The following ZBTB5 variants were observed in gnomAD, a reference collection of about 807,000 sequenced individuals.
The protein encoded by ZBTB5 is zinc finger and BTB domain-containing protein 5.
Under a neutral mutation model 37.9 loss-of-function variants are expected in ZBTB5, and 15 were observed. That is an observed-to-expected ratio of 0.40 (90% CI 0.26 to 0.61). The LOEUF (loss-of-function observed/expected upper bound fraction) is 0.61, where lower values mean the gene tolerates loss of function less well. Ranked by LOEUF, ZBTB5 falls within the 20% of genes least tolerant of loss-of-function variation. The probability of loss-of-function intolerance (pLI) is 0.47; values close to 1 mark genes in which losing one functional copy is unlikely to be tolerated. For synonymous variants in ZBTB5, 315 were observed against 312.4 expected (o/e 1.01, Z -0.09); for missense variants, 708 against 856.8 (o/e 0.83, Z 2.17).
At position 37,439,241 on chromosome 9, in the gene ZBTB5, G is replaced by A. The variant is rs1364895483; in HGVS notation, c.*1277C>T. The A allele has an allele frequency of 6.6e-6, 1 of 152,222 alleles. No homozygotes were observed. Among genetic ancestry groups the A allele is most frequent in the African/African-American group, 2.4e-5 (1 of 41,448 alleles). 9.4% of individuals were successfully genotyped at this position (152,222 alleles called of 1,614,324 possible). A position where few individuals can be genotyped will look rare whatever the true frequency, so the allele number is the denominator to read the frequency against. On this transcript the variant is annotated 3_prime_UTR_variant, in exon 2 of 2. Transcript: ENST00000307750. Reference sequence around the variant, plus strand: ...TGTCAGAGGACAGCAAGGTGAGGCTGGGGAAGTGAGGCTGTAGGGCCCAGA... The same window carrying A: ...TGTCAGAGGACAGCAAGGTGAGGCTAGGGAAGTGAGGCTGTAGGGCCCAGA...
intron 1 of ZBTB5, among the ~76,000 whole-genome samples, chr9:37,444,442 C>T (rs535396949): frequency 9.5e-4 from 144 of 152,232 alleles, no homozygotes; most frequent in African/African-American, 3.3e-3. Flanking sequence ...TCAGGTGATC[C>T]GCCCACCCTG....
rs190896499 is a variant in ZBTB5 at position 37,448,017 on chromosome 9, T to A, written c.-4-5462A>T. Among the ~76,000 whole-genome samples the A allele has an allele frequency of 3.3e-5, 5 of 152,276 alleles. No individual in the cohort carries two copies. In the East Asian group the frequency reaches 9.6e-4, roughly 29 times the overall value. The stretch of plus-strand genomic sequence containing the variant: ...AAAATAAATAAATAAACAATTTTTT[T>A]AAATTGTGGTCCCAGAAACACCATT... On this transcript the variant is annotated intron_variant, in intron 1 of 1. Coordinates refer to ENST00000307750, the MANE Select transcript of ZBTB5 (RefSeq NM_014872.3).
intron 1 of ZBTB5, among the ~76,000 whole-genome samples, chr9:37,462,134 C>G (rs1824304898): frequency 6.6e-6 from 1 of 152,064 alleles, no homozygotes. Context: ...AGCTAAAATT[C>G]TATTAATTTT....
chr9:37,461,585 C>T (rs950025628), intron 1 of ZBTB5, among the ~76,000 whole-genome samples: 6 of 152,036 alleles, frequency 3.9e-5, no homozygotes, highest in African/African-American at 7.2e-5. Flanking sequence ...AAAAATTAGT[C>T]GGGCATGGTG....
chr9:37,442,618 G>C, intron 1 of ZBTB5, 63 bp from the exon 2 acceptor site: 1 of 1,353,878 alleles, frequency 7.4e-7, no homozygotes, highest in Middle Eastern at 1.9e-4. Flanking sequence ...AGAACACAAA[G>C]GGTATGATGA....
Position 37,441,027 on chromosome 9 carries a change from A to T in ZBTB5, c.1525T>A (p.Ser509Thr). 1 of 1,614,142 alleles carries T rather than the reference A, an allele frequency of 6.2e-7. No individual in the cohort carries two copies. The highest frequency in any genetic ancestry group is 8.5e-7 in the Non-Finnish European group (1 of 1,180,024). ...AAGGAGGAGTGGAGGCCCAAACCAG[A>T]CCTGGAAAAGTCCATCCCAAACTGT... ...GEQFGMDFSRSGLGLHSSFSR... is the reference protein window; with the variant it reads ...GEQFGMDFSRTGLGLHSSFSR... Residue 509 changes from serine to threonine, a missense_variant, in exon 2 of 2, where the codon TCT (serine) becomes ACT (threonine). Coordinates refer to ENST00000307750, the MANE Select transcript of ZBTB5 (RefSeq NM_014872.3).
At chr9:37,451,620 A>C (rs1824106004) in intron 1 of ZBTB5, among the ~76,000 whole-genome samples, 1 of 151,998 alleles carries the variant, frequency 6.6e-6, no homozygotes, top group Non-Finnish European at 1.5e-5. Context: ...ACTTTTGGTA[A>C]GATGATAAAT....
In ZBTB5 at chr9:37,438,354, C is replaced by G. The variant is rs1475283641; in HGVS notation, c.*2164G>C. 1 of 152,492 alleles carries G rather than the reference C, an allele frequency of 6.6e-6. No individual in the cohort carries two copies. The allele number at this position is 152,492 out of a possible 1,614,324, so 9.4% of individuals were successfully genotyped here. ...CCCTGGGACTGGTTTTCCAGGGAAC[C>G]CTGGAATTATTTTTTAAGTGCTACA... On this transcript the variant is annotated 3_prime_UTR_variant, in exon 2 of 2. Coordinates refer to ENST00000307750, the MANE Select transcript of ZBTB5 (RefSeq NM_014872.3).
intron 1 of ZBTB5, among the ~76,000 whole-genome samples, chr9:37,455,285 G>A (rs1588781831): frequency 6.6e-6 from 1 of 152,116 alleles, no homozygotes; most frequent in African/African-American, 2.4e-5. Context: ...TCGGCCACAG[G>A]ACAGCCGAAC....
chr9:37,439,752 C>T lies in ZBTB5; in HGVS notation c.*766G>A, dbSNP rs1823820686. The stretch of plus-strand genomic sequence containing the variant: ...ACATGGAACTGTAACATCTGTAATA[C>T]AAGTTGGTTAAAATACTGCTCAAAC... On this transcript the variant is annotated 3_prime_UTR_variant, in exon 2 of 2. Coordinates refer to ENST00000307750, the MANE Select transcript of ZBTB5 (RefSeq NM_014872.3). The T allele has an allele frequency of 6.6e-6, 1 of 151,316 alleles. No individual in the cohort carries two copies. The highest frequency in any genetic ancestry group is 2.4e-5 in the African/African-American group (1 of 41,274). The allele number at this position is 151,316 out of a possible 1,614,324, so 9.4% of individuals were successfully genotyped here.
chr9:37,445,572 G>A (rs34011267), intron 1 of ZBTB5, among the ~76,000 whole-genome samples: 20,976 of 151,610 alleles, frequency 0.14, 1,784 homozygotes, highest in Middle Eastern at 0.23. Flanking sequence ...ACTTGAGCCC[G>A]GAGTCAGAAC....
chr9:37,441,410 T>A lies in ZBTB5; in HGVS notation c.1142A>T (p.Asp381Val), dbSNP rs752221009. 11 of 1,613,818 alleles carry A rather than the reference T, an allele frequency of 6.8e-6. No individual in the cohort carries two copies. In the Admixed American group the frequency reaches 1.5e-4, roughly 22 times the overall value. ...SPESSDRSFS[D>V]PQSSTDRVGD... Reference sequence around the variant, plus strand: ...TACCCTGTCTGTGCTAGACTGGGGATCTGAAAAACTCCGATCACTGCTTTC... The same window carrying A: ...TACCCTGTCTGTGCTAGACTGGGGAACTGAAAAACTCCGATCACTGCTTTC... The change falls in exon 2 of 2, where the codon GAT (aspartate) becomes GTT (valine). Residue 381 changes from aspartate to valine, a missense_variant. Asp to Val is a radical substitution (Grantham distance 152). Coordinates refer to ENST00000307750, the MANE Select transcript of ZBTB5 (RefSeq NM_014872.3).
rs556059103 is a variant in ZBTB5 at position 37,464,621 on chromosome 9, G to A, written c.-5+594C>T. ...CCAAACAGGAGAAGATGGGACGGCAGTGTCTTACCACCGCATCCCCCACAG... is the reference window on the plus strand; with the variant it reads ...CCAAACAGGAGAAGATGGGACGGCAATGTCTTACCACCGCATCCCCCACAG... On this transcript the variant is annotated intron_variant, in intron 1 of 1. Transcript: ENST00000307750. Among the ~76,000 whole-genome samples, 4 of 152,230 alleles carry A rather than the reference G, an allele frequency of 2.6e-5. No individual in the cohort carries two copies. In the East Asian group the frequency reaches 7.7e-4, roughly 29 times the overall value.
Position 37,441,745 on chromosome 9 carries a change from ATCT to A in ZBTB5, c.804_806del (p.Glu268del), listed in dbSNP as rs747511497. 8.1e-6 allele frequency: 13 copies of A among 1,613,894 alleles called. No homozygotes were observed. Among genetic ancestry groups the A allele is most frequent in the South Asian group, 1.1e-5 (1 of 91,074 alleles). Reference sequence around the variant, plus strand: ...TATCAGACTGGCTGGGCACCTGGGCATCTTCTTGAGTGCCAAAAGACTGATCAA... The same window carrying A: ...TATCAGACTGGCTGGGCACCTGGGCATCTTGAGTGCCAAAAGACTGATCAA... On this transcript the variant is annotated inframe_deletion, in exon 2 of 2. Coordinates refer to ENST00000307750, the MANE Select transcript of ZBTB5 (RefSeq NM_014872.3).
intron 1 of ZBTB5, among the ~76,000 whole-genome samples, chr9:37,444,005 C>T (rs1474580335): frequency 6.6e-6 from 1 of 152,120 alleles, no homozygotes; most frequent in Non-Finnish European, 1.5e-5. Context: ...ATCACTTGAG[C>T]CTGGGAAGTC....
intron 1 of ZBTB5, among the ~76,000 whole-genome samples, chr9:37,442,823 G>A (rs1243207384): frequency 6.6e-6 from 1 of 152,146 alleles, no homozygotes; most frequent in Non-Finnish European, 1.5e-5. Flanking sequence ...ATAACACTAA[G>A]GGTCTAAATT....
In ZBTB5 at chr9:37,441,736, C is replaced by T. The variant is rs1564309568; in HGVS notation, c.816G>A (p.Val272=). Residue 272 remains valine, a synonymous_variant, in exon 2 of 2, where the codon GTG becomes GTA. Transcript: ENST00000307750. ...CAGCACTGTTATCAGACTGGCTGGG[C>T]ACCTGGGCATCTTCTTGAGTGCCAA... ...QSFGTQEDAQ[V]PSQSDNSAGN... The T allele has an allele frequency of 6.2e-7, 1 of 1,614,026 alleles. No homozygotes were observed. The highest frequency in any genetic ancestry group is 8.5e-7 in the Non-Finnish European group (1 of 1,179,988).
rs1441739814 is a variant in ZBTB5 at position 37,441,856 on chromosome 9, G to T, written c.696C>A (p.Phe232Leu). 5 of 1,614,166 alleles carry T rather than the reference G, an allele frequency of 3.1e-6. No homozygotes were observed. Reference sequence around the variant, plus strand: ...CAATTTTCAGAGAATCTGGTGAAAAGAACTCCTCCCGAGAATGAACCCCTG... The same window carrying T: ...CAATTTTCAGAGAATCTGGTGAAAATAACTCCTCCCGAGAATGAACCCCTG... ...GPSGVHSREEFFSPDSLKIVD... is the reference protein window; with the variant it reads ...GPSGVHSREELFSPDSLKIVD... Residue 232 changes from phenylalanine to leucine, a missense_variant, in exon 2 of 2, where the codon TTC becomes TTA. Phe to Leu is a conservative substitution (Grantham distance 22). Coordinates refer to ENST00000307750, the MANE Select transcript of ZBTB5 (RefSeq NM_014872.3).
chr9:37,453,931 G>T (rs984093406), intron 1 of ZBTB5, among the ~76,000 whole-genome samples: 2 of 152,136 alleles, frequency 1.3e-5, no homozygotes, highest in Admixed American at 6.5e-5. Flanking sequence ...AGAAGAGAGT[G>T]ATACCAAAAA....
Sources: gnomAD v4.1 joint callset for allele counts (sites outside exome capture counted in the v4.1 genomes callset) on GRCh38, gnomAD v4.1.1 for gene constraint, MANE v1.5 for transcripts, NCBI Gene and HGNC (gene_info 2026-07-23, HGNC 2026-07-21) for gene names.